INSC: variants seen among roughly 807,000 people sequenced by gnomAD.
INSC encodes the protein protein inscuteable homolog.
A neutral mutation model predicts 58.6 loss-of-function variants in INSC; 67 were observed. That is an observed-to-expected ratio of 1.14 (90% CI 0.94 to 1.40). The LOEUF (loss-of-function observed/expected upper bound fraction) is 1.40, where lower values mean the gene tolerates loss of function less well. Ranked by LOEUF, INSC falls within the 40% of genes most tolerant of loss-of-function variation. The pLI is 0.00. For missense variants in INSC, 714 were observed against 692.0 expected (o/e 1.03, Z -0.36); for synonymous variants, 262 against 276.1 (o/e 0.95, Z 0.51).
intron 9 of INSC, among the ~76,000 whole-genome samples, chr11:15,234,677 C>T (rs888527373): frequency 1.1e-4 from 17 of 152,100 alleles, no homozygotes; most frequent in African/African-American, 3.4e-4. Flanking sequence ...CACTTGAGAG[C>T]GCTGTCCATT....
At chr11:15,227,321 G>A (rs1235616671) in intron 9 of INSC, among the ~76,000 whole-genome samples, 1 of 152,168 alleles carries the variant, frequency 6.6e-6, no homozygotes, top group Non-Finnish European at 1.5e-5. Context: ...AGGCTCCTGG[G>A]TGTTGGGTTT....
At chr11:15,256,682 G>T in the INSC span, among the ~76,000 whole-genome samples, 1 of 152,050 alleles carries the variant, frequency 6.6e-6, no homozygotes, top group African/African-American at 2.4e-5. Context: ...TAGAGATGGG[G>T]TTTCACCATG....
rs559454448 is a variant in INSC, at chr11:15,193,616, A to G, written c.693+2802A>G. Among the ~76,000 whole-genome samples the G allele has an allele frequency of 2.0e-5, 3 of 152,358 alleles. No homozygotes were observed. The East Asian group carries it at 5.8e-4, about 29-fold the overall frequency. ...CTTCATCCATGTCGCTACAAAGGAC[A>G]TGAACTCATCCTTTTTATGGCTGCA... On this transcript the variant is annotated intron_variant, in intron 6 of 12. Coordinates refer to ENST00000379556, the MANE Select transcript of INSC (RefSeq NM_001042536.3).
intron 2 of INSC, among the ~76,000 whole-genome samples, chr11:15,174,176 G>A (rs1173715856): frequency 6.6e-6 from 1 of 151,758 alleles, no homozygotes; most frequent in Non-Finnish European, 1.5e-5. Flanking sequence ...TGCCCCCAGA[G>A]CCTTTGCACT....
chr11:15,118,293 G>C (rs1419595767), intron 1 of INSC, among the ~76,000 whole-genome samples: 1 of 152,294 alleles, frequency 6.6e-6, no homozygotes, highest in Admixed American at 6.5e-5. Context: ...TCTGAATGCA[G>C]GGCAGGGTTC....
chr11:15,267,889 T>G, the INSC span, among the ~76,000 whole-genome samples: 1 of 151,990 alleles, frequency 6.6e-6, no homozygotes, highest in Non-Finnish European at 1.5e-5. Context: ...TTGTGTGGGA[T>G]GTAGTTAAGT....
chr11:15,188,637 A>C (rs1850058479), intron 5 of INSC, among the ~76,000 whole-genome samples: 1 of 152,238 alleles, frequency 6.6e-6, no homozygotes. Context: ...GATCTGATTC[A>C]CTGAGACATA....
intron 7 of INSC, among the ~76,000 whole-genome samples, chr11:15,220,337 G>T (rs1182064024): frequency 6.6e-6 from 1 of 152,128 alleles, no homozygotes; most frequent in East Asian, 1.9e-4. Flanking sequence ...TTGGTGCTTG[G>T]TGGCATGGTC....
intron 2 of INSC, among the ~76,000 whole-genome samples, chr11:15,156,155 T>G (rs906258952): frequency 6.6e-6 from 1 of 152,104 alleles, no homozygotes; most frequent in Non-Finnish European, 1.5e-5. Flanking sequence ...CCATCAGAGG[T>G]CTGTGATGTT....
chr11:15,129,741 C>T (rs1369109209), intron 1 of INSC, among the ~76,000 whole-genome samples: 2 of 152,118 alleles, frequency 1.3e-5, no homozygotes, highest in South Asian at 2.1e-4. Context: ...TTTCTAAAAC[C>T]TTATATCAAT....
chr11:15,267,084 G>A, the INSC span, among the ~76,000 whole-genome samples: 2 of 151,982 alleles, frequency 1.3e-5, no homozygotes, highest in East Asian at 3.9e-4. Flanking sequence ...TTCAGCTTCT[G>A]TGAGTCTGAA....
Position 15,229,947 on chromosome 11 carries a change from A to T in INSC, c.1170+4119A>T, listed in dbSNP as rs1290314220. ...TTTTTATATATTATATATATATAAT[A>T]TTATATATATATTTATATATATATA... is the stretch of plus-strand genomic sequence containing the variant. On this transcript the variant is annotated intron_variant, in intron 9 of 12. Transcript: ENST00000379556. Among the ~76,000 whole-genome samples the T allele has an allele frequency of 7.7e-5, 3 of 38,884 alleles. 1 individual carries two copies. The highest frequency in any genetic ancestry group is 3.7e-4 in the African/African-American group (3 of 8,150). 25.5% of individuals were successfully genotyped at this position (38,884 alleles called of 152,430 possible). A position where few individuals can be genotyped will look rare whatever the true frequency, so the allele number is the denominator to read the frequency against.
chr11:15,184,529 G>C (rs1849895487), intron 5 of INSC: 1 of 154,460 alleles, frequency 6.5e-6, no homozygotes, highest in Non-Finnish European at 1.4e-5. Flanking sequence ...CCAGGTAGCT[G>C]GGACTACAGG....
At chr11:15,148,532 G>A (rs1410520874) in intron 1 of INSC, among the ~76,000 whole-genome samples, 1 of 152,198 alleles carries the variant, frequency 6.6e-6, no homozygotes, top group Non-Finnish European at 1.5e-5. Context: ...TGGCTCATTG[G>A]CCTAAATTGA....
chr11:15,112,472 G>T, upstream of INSC: 1 of 1,605,618 alleles, frequency 6.2e-7, no homozygotes, highest in Non-Finnish European at 8.5e-7. Context: ...CTGGAGCCAT[G>T]AGACGGCCCC....
At chr11:15,224,011 T>C (rs1851541328) in intron 8 of INSC, among the ~76,000 whole-genome samples, 1 of 152,166 alleles carries the variant, frequency 6.6e-6, no homozygotes, top group African/African-American at 2.4e-5. Flanking sequence ...GTAGAAAGAA[T>C]GGGAACTTTG....
Position 15,176,047 on chromosome 11 carries a change from C to A in INSC, c.363C>A (p.Tyr121Ter). 6.5e-7 allele frequency: 1 copy of A among 1,549,578 alleles called. No homozygotes were observed. Among genetic ancestry groups the A allele is most frequent in the Admixed American group, 1.9e-5 (1 of 53,222 alleles). The change falls in exon 3 of 13, where the codon TAC becomes TAA. Residue 121 changes from tyrosine to a stop codon, truncating the protein, a stop_gained. Coordinates refer to ENST00000379556, the MANE Select transcript of INSC (RefSeq NM_001042536.3). LOFTEE classifies it high-confidence loss of function. ...ATGCCCGCTCCATGGTCAGCGAGTACAGTGCTGTCAGCAGGAACTCCTTGA... is the reference window on the plus strand; with the variant it reads ...ATGCCCGCTCCATGGTCAGCGAGTAAAGTGCTGTCAGCAGGAACTCCTTGA... ...TCHARSMVSE[Y>*]SAVSRNSLKE...
intron 7 of INSC, among the ~76,000 whole-genome samples, chr11:15,202,487 G>A (rs1240717615): frequency 1.3e-5 from 2 of 151,906 alleles, no homozygotes; most frequent in Non-Finnish European, 2.9e-5. Flanking sequence ...TGGAGAGGAT[G>A]GTGAGAGAGA....
At chr11:15,168,543 G>T (rs1849281586) in intron 2 of INSC, among the ~76,000 whole-genome samples, 2 of 152,182 alleles carry the variant, frequency 1.3e-5, no homozygotes, top group South Asian at 4.1e-4. Context: ...TTTATATGGG[G>T]AAGAGCAGCA....
Sources: gnomAD v4.1 joint callset for allele counts (sites outside exome capture counted in the v4.1 genomes callset) on GRCh38, gnomAD v4.1.1 for gene constraint, MANE v1.5 for transcripts, NCBI Gene and HGNC (gene_info 2026-07-23, HGNC 2026-07-21) for gene names.